The following ABCA13 variants were observed in gnomAD, a reference collection of about 807,000 sequenced individuals.
ABCA13 encodes the protein ATP binding cassette subfamily A member 13.
Under a neutral mutation model 478.7 loss-of-function variants are expected in ABCA13, and 476 were observed. That is an observed-to-expected ratio of 0.99 (90% CI 0.92 to 1.07). The LOEUF is 1.07. Among genes scored for constraint, ABCA13 ranks in the 50% least tolerant of loss-of-function variants. The pLI is 0.00. For synonymous variants in ABCA13, 2,252 were observed against 2,158.9 expected (o/e 1.04, Z -1.20); for missense variants, 6,060 against 5,910.6 (o/e 1.03, Z -0.83).
At chr7:48,322,959 A>G (rs796912040) in intron 27 of ABCA13, among the ~76,000 whole-genome samples, 9 of 152,244 alleles carry the variant, frequency 5.9e-5, no homozygotes, top group African/African-American at 2.2e-4. Flanking sequence ...GTAACCTTTG[A>G]AAGTGGTCTC....
chr7:48,223,852 G>A (rs2128973694), intron 5 of ABCA13, among the ~76,000 whole-genome samples: 1 of 151,748 alleles, frequency 6.6e-6, no homozygotes, highest in Admixed American at 6.6e-5. Flanking sequence ...CCAGCTACTC[G>A]AGAGGCTGAG....
At chr7:48,624,059 A>AGTGTGTGTGTGTGTGTGTGT (rs3078326) in intron 59 of ABCA13, among the ~76,000 whole-genome samples, 1 of 142,442 alleles carries the variant, frequency 7.0e-6, no homozygotes, top group Non-Finnish European at 1.5e-5. Flanking sequence ...CACATGATAG[A>AGTGTGTGTGTGTGTGTGTGT]GTGTGTGTGT....
chr7:48,602,096 T>A (rs1411610775), intron 58 of ABCA13, among the ~76,000 whole-genome samples: 2 of 152,236 alleles, frequency 1.3e-5, no homozygotes, highest in Non-Finnish European at 2.9e-5. Flanking sequence ...TAAATTTGTT[T>A]AAGTTCTTTG....
At chr7:48,245,345 C>T (rs113837542) in intron 11 of ABCA13, among the ~76,000 whole-genome samples, 167 bp from the exon 12 acceptor site, 2,178 of 152,266 alleles carry the variant, frequency 0.014, 21 homozygotes, top group Middle Eastern at 0.054. Context: ...AATGATATTA[C>T]AATGACTCCT....
At chr7:48,304,590 A>C (rs1396108570) in intron 23 of ABCA13, among the ~76,000 whole-genome samples, 3 of 151,984 alleles carry the variant, frequency 2.0e-5, no homozygotes, top group Non-Finnish European at 4.4e-5. Flanking sequence ...AACAATAGAC[A>C]TGGGGGACTA....
Position 48,412,415 on chromosome 7 carries a change from C to T in ABCA13, c.12291C>T (p.Ile4097=), listed in dbSNP as rs1819390591. ...DMACVTSLIK[I]YIPQAFLKDS... is the part of the protein sequence containing the mutation. Reference sequence around the variant, plus strand: ...CTTGTGTTACATCCCTGATAAAGATCTATATTCCACAAGCATTTCTCAAAG... The same window carrying T: ...CTTGTGTTACATCCCTGATAAAGATTTATATTCCACAAGCATTTCTCAAAG... Residue 4097 remains isoleucine (I), a synonymous_variant, in exon 41 of 62, where the codon ATC becomes ATT. Transcript: ENST00000435803. The T allele has an allele frequency of 5.0e-6, 8 of 1,613,236 alleles. No homozygotes were observed. In the South Asian group the frequency reaches 6.6e-5, roughly 13 times the overall value.
chr7:48,223,631 G>A (rs114154075), intron 5 of ABCA13, among the ~76,000 whole-genome samples: 1 of 152,066 alleles, frequency 6.6e-6, no homozygotes, highest in African/African-American at 2.4e-5. Context: ...GGAATGATGA[G>A]GGTAAAAGCC....
intron 51 of ABCA13, 57 bp downstream of exon 51, chr7:48,511,256 C>T: frequency 1.4e-6 from 2 of 1,419,638 alleles, no homozygotes; most frequent in Non-Finnish European, 9.7e-7. Flanking sequence ...AAGAGAAAAC[C>T]CTCAGGATGG....
At position 48,248,321 on chromosome 7, in the gene ABCA13, T is replaced by C; in HGVS notation, c.1742T>C (p.Leu581Pro). The C allele has an allele frequency of 6.2e-7, 1 of 1,613,900 alleles. No homozygotes were observed. The highest frequency in any genetic ancestry group is 8.5e-7 in the Non-Finnish European group (1 of 1,179,800). Reference sequence around the variant, plus strand: ...GAAGAATATTTGGACTGGCAGGAACTTGAGATGCAGCTGTCAGAAGCAAGC... The same window carrying C: ...GAAGAATATTTGGACTGGCAGGAACCTGAGATGCAGCTGTCAGAAGCAAGC... ...IPEEYLDWQELEMQLSEASLS... is the reference protein window; with the variant it reads ...IPEEYLDWQEPEMQLSEASLS... The change falls in exon 14 of 62, where the codon CTT becomes CCT. Residue 581 changes from leucine (L) to proline (P), a missense_variant. By Grantham distance (98) the Leu-to-Pro change is moderately conservative. Coordinates refer to ENST00000435803, the MANE Select transcript of ABCA13 (RefSeq NM_152701.5).
chr7:48,451,916 T>A (rs71547888), intron 42 of ABCA13, among the ~76,000 whole-genome samples: 26,054 of 152,154 alleles, frequency 0.17, 2,501 homozygotes, highest in East Asian at 0.22. Flanking sequence ...TTGAATATAA[T>A]TGCACTCATA....
At chr7:48,499,664 C>T (rs1223252544) in intron 48 of ABCA13, among the ~76,000 whole-genome samples, 1 of 152,174 alleles carries the variant, frequency 6.6e-6, no homozygotes, top group African/African-American at 2.4e-5. Context: ...ATGATAATAA[C>T]AATCAAACAA....
At chr7:48,209,610 A>G (rs1173519139) in intron 3 of ABCA13, among the ~76,000 whole-genome samples, 1 of 152,056 alleles carries the variant, frequency 6.6e-6, no homozygotes, top group Admixed American at 6.6e-5. Flanking sequence ...TGTATCTAGG[A>G]ATTTATTTAT....
intron 19 of ABCA13, among the ~76,000 whole-genome samples, chr7:48,283,592 T>C (rs1797337520): frequency 6.6e-6 from 1 of 152,170 alleles, no homozygotes; most frequent in South Asian, 2.1e-4. Flanking sequence ...GATAGGTCAA[T>C]GCATGAGGGC....
intron 26 of ABCA13, among the ~76,000 whole-genome samples, chr7:48,314,872 T>C (rs1802326682): frequency 6.6e-6 from 1 of 152,156 alleles, no homozygotes; most frequent in South Asian, 2.1e-4. Flanking sequence ...TGGGTACAAA[T>C]GAATATGCCA....
chr7:48,585,315 G>A (rs1273710201), intron 56 of ABCA13, among the ~76,000 whole-genome samples: 1 of 152,090 alleles, frequency 6.6e-6, no homozygotes, highest in African/African-American at 2.4e-5. Flanking sequence ...AAAACATTCT[G>A]GGGAAAATGA....
chr7:48,343,128 T>G (rs997549122), intron 29 of ABCA13, among the ~76,000 whole-genome samples: 5 of 152,030 alleles, frequency 3.3e-5, no homozygotes, highest in African/African-American at 1.2e-4. Flanking sequence ...TTTTCTTGTC[T>G]TGTCTCCAGG....
intron 38 of ABCA13, among the ~76,000 whole-genome samples, chr7:48,399,119 T>A (rs1817248510): frequency 6.6e-6 from 1 of 152,084 alleles, no homozygotes; most frequent in Non-Finnish European, 1.5e-5. Flanking sequence ...GAAGAGAAAT[T>A]GGCAGCAGCA....
intron 47 of ABCA13, among the ~76,000 whole-genome samples, chr7:48,485,743 T>G (rs1052827621): frequency 9.9e-5 from 15 of 152,196 alleles, no homozygotes; most frequent in Non-Finnish European, 1.9e-4. Context: ...CATGAGTCTG[T>G]GGGATTGTGC....
chr7:48,387,037 T>C (rs775481998), intron 35 of ABCA13, among the ~76,000 whole-genome samples: 12 of 152,136 alleles, frequency 7.9e-5, no homozygotes, highest in Non-Finnish European at 1.6e-4. Context: ...TTTGAGTGCA[T>C]GAACATCTCT....
Sources: allele counts gnomAD v4.1 joint callset (sites outside exome capture counted in the v4.1 genomes callset), GRCh38; gene constraint gnomAD v4.1.1; transcripts MANE v1.5; gene names NCBI Gene and HGNC (gene_info 2026-07-23, HGNC 2026-07-21).